WDFY3: variants seen among roughly 807,000 people sequenced by gnomAD.
WDFY3 encodes the protein WD repeat and FYVE domain-containing protein 3.
WDFY3 carries 66 observed loss-of-function variants against 409.6 expected under a neutral mutation model. The observed-to-expected ratio is 0.16, with a 90% CI of 0.13 to 0.20. WDFY3 has a LOEUF of 0.20. Ranked by LOEUF, WDFY3 falls within the 10% of genes least tolerant of loss-of-function variation. The pLI, the probability that WDFY3 is intolerant of heterozygous loss-of-function variation, is 1.00. For synonymous variants in WDFY3, 1,521 were observed against 1,537.1 expected (o/e 0.99, Z 0.25); for missense variants, 3,031 against 4,298.1 (o/e 0.71, Z 8.24).
At chr4:84,850,673 T>C (rs1022449393) in intron 4 of WDFY3, among the ~76,000 whole-genome samples, 3 of 151,992 alleles carry the variant, frequency 2.0e-5, no homozygotes, top group Non-Finnish European at 4.4e-5. Context: ...TAAAGGATCT[T>C]TGATGGAGTA....
At chr4:84,698,095 T>C (rs529059628) in intron 56 of WDFY3, among the ~76,000 whole-genome samples, 21 of 152,120 alleles carry the variant, frequency 1.4e-4, no homozygotes, top group Non-Finnish European at 2.4e-4. Context: ...CTAGGTCTAA[T>C]TTTTTGGTAA....
At chr4:84,841,651 T>C (rs753284509) in intron 5 of WDFY3, among the ~76,000 whole-genome samples, 17 of 152,132 alleles carry the variant, frequency 1.1e-4, no homozygotes, top group Non-Finnish European at 2.1e-4. Flanking sequence ...GCCTGACACA[T>C]ACAGATCAAG....
In WDFY3 at chr4:84,671,938, T is replaced by C. The variant is rs1725495804; in HGVS notation, c.*930A>G. 1 of 152,238 alleles carries C rather than the reference T, an allele frequency of 6.6e-6. No homozygotes were observed. 9.4% of individuals were successfully genotyped at this position (152,238 alleles called of 1,614,324 possible). ...TAATTTTGGGTTACATGCAAATATA[T>C]TTCCATTAGTTGAGACAGGGCTGTT... On this transcript the variant is annotated 3_prime_UTR_variant, in exon 68 of 68. Transcript: ENST00000295888.
intron 36 of WDFY3, among the ~76,000 whole-genome samples, chr4:84,744,150 G>A (rs922936741): frequency 2.7e-5 from 4 of 148,244 alleles, no homozygotes; most frequent in African/African-American, 9.8e-5. Context: ...TATAAAAACT[G>A]TTATAACAGT....
At position 84,920,678 on chromosome 4, in the gene WDFY3, A is replaced by G. The variant is rs533075988; in HGVS notation, c.-132+11592T>C. Among the ~76,000 whole-genome samples the G allele has an allele frequency of 2.6e-5, 4 of 152,318 alleles. No homozygotes were observed. In the South Asian group the frequency reaches 6.2e-4, roughly 24 times the overall value. Reference sequence around the variant, plus strand: ...CTCCCTAAAATCTGTTCCTTCTTTTATAATTCCTACACAGCTGAACAGCAC... The same window carrying G: ...CTCCCTAAAATCTGTTCCTTCTTTTGTAATTCCTACACAGCTGAACAGCAC... On this transcript the variant is annotated intron_variant, in intron 2 of 67. Coordinates refer to ENST00000295888, the MANE Select transcript of WDFY3 (RefSeq NM_014991.6).
At chr4:84,875,850 C>A (rs1762709163) in intron 3 of WDFY3, among the ~76,000 whole-genome samples, 1 of 152,168 alleles carries the variant, frequency 6.6e-6, no homozygotes, top group Admixed American at 6.5e-5. Flanking sequence ...GGGACGATAA[C>A]CCATATGGAG....
chr4:84,760,328 T>C (rs1358397292), intron 32 of WDFY3, among the ~76,000 whole-genome samples: 2 of 152,140 alleles, frequency 1.3e-5, no homozygotes, highest in African/African-American at 4.8e-5. Flanking sequence ...TAAAATGAGT[T>C]AGGGAGGATT....
At chr4:84,688,895 TTTTGCTGGAA>T (rs1212026569) in intron 61 of WDFY3, among the ~76,000 whole-genome samples, 4 of 152,128 alleles carry the variant, frequency 2.6e-5, no homozygotes, top group African/African-American at 7.2e-5. Context: ...AACTTCCCTC[TTTTGCTGGAA>T]TATGAAGAGA....
At chr4:84,728,301 G>A (rs1461202689) in intron 44 of WDFY3, among the ~76,000 whole-genome samples, 1 of 152,094 alleles carries the variant, frequency 6.6e-6, no homozygotes, top group Non-Finnish European at 1.5e-5. Context: ...GGCCGAGGTG[G>A]GTGGATTGCT....
Position 84,702,462 on chromosome 4 carries a change from G to A in WDFY3, c.8487C>T (p.Arg2829=), listed in dbSNP as rs151109316. 10 of 1,613,386 alleles carry A rather than the reference G, an allele frequency of 6.2e-6. No homozygotes were observed. The highest frequency in any genetic ancestry group is 5.5e-5 in the South Asian group (5 of 91,000). Residue 2829 remains arginine (R), a synonymous_variant, in exon 56 of 68, where the codon CGC becomes CGT. Transcript: ENST00000295888. ...DLADRMFHSV[R]EAWYSASKHN... ...GCTTTGACGCTGAATACCAGGCCTCGCGCACACTGTGAAACATCCGGTCAG... is the reference window on the plus strand; with the variant it reads ...GCTTTGACGCTGAATACCAGGCCTCACGCACACTGTGAAACATCCGGTCAG...
chr4:84,860,257 C>T (rs538540993), intron 4 of WDFY3, among the ~76,000 whole-genome samples, 155 bp downstream of exon 4: 3 of 152,314 alleles, frequency 2.0e-5, no homozygotes, highest in South Asian at 4.1e-4. Flanking sequence ...AGTCACACTG[C>T]TTTATAGCAA....
chr4:84,740,907 T>C (rs6825852), intron 38 of WDFY3, among the ~76,000 whole-genome samples: 40,600 of 152,180 alleles, frequency 0.27, 6,170 homozygotes, highest in East Asian at 0.44. Context: ...TGACAGAGCC[T>C]ATGTATCTGT....
intron 1 of WDFY3, among the ~76,000 whole-genome samples, chr4:84,934,780 T>C (rs1306501388): frequency 6.6e-6 from 1 of 152,142 alleles, no homozygotes; most frequent in Non-Finnish European, 1.5e-5. Flanking sequence ...ATTGTTCTAC[T>C]AATTTGTTCC....
intron 3 of WDFY3, among the ~76,000 whole-genome samples, chr4:84,880,262 T>C (rs1763311593): frequency 6.6e-6 from 1 of 152,124 alleles, no homozygotes; most frequent in Admixed American, 6.6e-5. Flanking sequence ...TATGAACACC[T>C]TGATTTTAGC....
intron 3 of WDFY3, among the ~76,000 whole-genome samples, chr4:84,871,081 C>T (rs1031575267): frequency 6.6e-6 from 1 of 152,026 alleles, no homozygotes; most frequent in Non-Finnish European, 1.5e-5. Context: ...GAGAACTTTG[C>T]AAAATTAATG....
At chr4:84,737,988 C>A (rs1170040701) in intron 40 of WDFY3, among the ~76,000 whole-genome samples, 3 of 152,142 alleles carry the variant, frequency 2.0e-5, no homozygotes, top group Non-Finnish European at 4.4e-5. Context: ...ATTCTGAGGA[C>A]CTTGCTATGA....
At chr4:84,958,055 G>A (rs1774461449) in intron 1 of WDFY3, among the ~76,000 whole-genome samples, 2 of 152,288 alleles carry the variant, frequency 1.3e-5, no homozygotes, top group Middle Eastern at 3.4e-3. Context: ...GTGAAAGAAT[G>A]CATCTCTAAG....
chr4:84,880,293 C>A (rs1763314908), intron 3 of WDFY3, among the ~76,000 whole-genome samples: 1 of 152,066 alleles, frequency 6.6e-6, no homozygotes, highest in Non-Finnish European at 1.5e-5. Context: ...CAGTTTTGGA[C>A]TTCTGACCTC....
chr4:84,950,117 A>G (rs1773414604), intron 1 of WDFY3, among the ~76,000 whole-genome samples: 1 of 152,208 alleles, frequency 6.6e-6, no homozygotes, highest in South Asian at 2.1e-4. Flanking sequence ...ATGAAGCTGG[A>G]AAACATCACT....
Sources: gnomAD v4.1 joint callset for allele counts (sites outside exome capture counted in the v4.1 genomes callset) on GRCh38, gnomAD v4.1.1 for gene constraint, MANE v1.5 for transcripts, NCBI Gene and HGNC (gene_info 2026-07-23, HGNC 2026-07-21) for gene names.